ST3GAL3: variants seen among roughly 807,000 people sequenced by gnomAD.
ST3GAL3 encodes the protein ST3 beta-galactoside alpha-2,3-sialyltransferase 3, also known as CMP-N-acetylneuraminate-beta-1,4-galactoside alpha-2,3-sialyltransferase.
In ST3GAL3, 21 loss-of-function variants were observed where a neutral mutation model predicts 50.1. That is an observed-to-expected ratio of 0.42 (90% confidence interval 0.30 to 0.60). The LOEUF (loss-of-function observed/expected upper bound fraction) is 0.60, where lower values mean the gene tolerates loss of function less well. ST3GAL3 is among the 20% of genes least tolerant of loss of function. The pLI is 0.19. For synonymous variants in ST3GAL3, 183 were observed against 190.0 expected, an observed-to-expected ratio of 0.96 and a Z score of 0.30; for missense variants, 353 against 489.4, an observed-to-expected ratio of 0.72 and a Z score of 2.63.
intron 2 of ST3GAL3, among the ~76,000 whole-genome samples, chr1:43,762,870 G>A (rs974889410): frequency 6.6e-6 from 1 of 152,128 alleles, no homozygotes; most frequent in African/African-American, 2.4e-5. Flanking sequence ...GATAACCAAG[G>A]AGGGGTAAGC....
chr1:43,771,983 A>C lies in ST3GAL3; in HGVS notation c.119-20119A>C, dbSNP rs923853084. 1.8e-5 allele frequency: 7 copies of C among 397,620 alleles called. No individual in the cohort carries two copies. In the Admixed American group the frequency reaches 2.6e-4, roughly 15 times the overall value. The allele number at this position is 397,620 out of a possible 1,614,324, so 24.6% of individuals were successfully genotyped here. A position where few individuals can be genotyped will look rare whatever the true frequency, so the allele number is the denominator to read the frequency against. On this transcript the variant is annotated intron_variant, in intron 2 of 11. Transcript: ENST00000347631. ...GTTAAAAGGAAAAATAAGGGGGAAT[A>C]TGAGAAGTCAACTGACTTGAAACTG...
rs758984209 is a variant in ST3GAL3 at position 43,744,655 on chromosome 1, A to AAATAAATAAATAAATAAATAAATAAAT, written c.118+8277_118+8278insTAAATAAATAAATAAATAAATAAATAA. On this transcript the variant is annotated intron_variant, in intron 2 of 11. Coordinates refer to ENST00000347631, the MANE Select transcript of ST3GAL3 (RefSeq NM_006279.5). ...GGGACAGAGCGAGACTCCCTCTCAA[A>AAATAAATAAATAAATAAATAAATAAAT]AAATAAATAAATAAATAAATAAATA... Among the ~76,000 whole-genome samples the AAATAAATAAATAAATAAATAAATAAAT allele has an allele frequency of 6.5e-4, 91 of 140,962 alleles. 2 individuals are homozygous for AAATAAATAAATAAATAAATAAATAAAT. Among genetic ancestry groups the AAATAAATAAATAAATAAATAAATAAAT allele is most frequent in the Non-Finnish European group, 1.1e-3 (70 of 65,648 alleles). 92.5% of individuals were successfully genotyped at this position (140,962 alleles called of 152,430 possible). A position where few individuals can be genotyped will look rare whatever the true frequency, so the allele number is the denominator to read the frequency against.
chr1:43,794,509 A>G (rs1352429869), intron 3 of ST3GAL3, among the ~76,000 whole-genome samples: 6 of 152,254 alleles, frequency 3.9e-5, no homozygotes, highest in Non-Finnish European at 5.9e-5. Flanking sequence ...GGCAGTATCT[A>G]GCTAAATTTG....
intron 9 of ST3GAL3, among the ~76,000 whole-genome samples, chr1:43,908,691 A>C (rs1034081784): frequency 6.6e-6 from 1 of 151,154 alleles, no homozygotes; most frequent in Non-Finnish European, 1.5e-5. Flanking sequence ...CAGTGGCACA[A>C]TCTCAGCTCG....
intron 5 of ST3GAL3, chr1:43,838,691 G>T: frequency 3.4e-6 from 1 of 294,672 alleles, no homozygotes; most frequent in Non-Finnish European, 6.7e-6. Context: ...GCTTCAGGGA[G>T]GCATATCCAA....
At position 43,897,113 on chromosome 1, in the gene ST3GAL3, C is replaced by T. The variant is rs2077504612; in HGVS notation, c.398-1122C>T. Among the ~76,000 whole-genome samples, 6 of 142,328 alleles carry T rather than the reference C, an allele frequency of 4.2e-5. No individual in the cohort carries two copies. The South Asian group carries it at 1.3e-3, about 31-fold the overall frequency. The allele number at this position is 142,328 out of a possible 152,430, so 93.4% of individuals were successfully genotyped here. ...GTTTTTTTTTTTTTTGGTGGACATT[C>T]AGCTTGCCTCCACCATTTTGCTATT... On this transcript the variant is annotated intron_variant, in intron 6 of 11. Coordinates refer to ENST00000347631, the MANE Select transcript of ST3GAL3 (RefSeq NM_006279.5).
At chr1:43,859,684 G>T (rs1022967461) in intron 5 of ST3GAL3, among the ~76,000 whole-genome samples, 1 of 152,224 alleles carries the variant, frequency 6.6e-6, no homozygotes, top group African/African-American at 2.4e-5. Flanking sequence ...CTTGCTCTAA[G>T]AAGCAAATGC....
intron 11 of ST3GAL3, among the ~76,000 whole-genome samples, chr1:43,923,422 A>G (rs544133705): frequency 1.4e-4 from 21 of 152,300 alleles, no homozygotes; most frequent in African/African-American, 5.1e-4. Context: ...TCAGACTGCT[A>G]TAACAGAATG....
intron 2 of ST3GAL3, among the ~76,000 whole-genome samples, chr1:43,790,633 CTTTT>C (rs11343844): frequency 1.2e-4 from 15 of 125,644 alleles, no homozygotes; most frequent in East Asian, 2.3e-4. Context: ...ATGGCGTCTC[CTTTT>C]TTTTTTTTTT....
At chr1:43,761,093 C>T (rs969716833) in intron 2 of ST3GAL3, among the ~76,000 whole-genome samples, 10 of 152,144 alleles carry the variant, frequency 6.6e-5, no homozygotes, top group Non-Finnish European at 1.3e-4. Flanking sequence ...GGTGATTCTT[C>T]CTTAACCATT....
intron 1 of ST3GAL3, among the ~76,000 whole-genome samples, chr1:43,712,134 C>T (rs1167834050): frequency 6.6e-6 from 1 of 152,202 alleles, no homozygotes; most frequent in Admixed American, 6.5e-5. Context: ...CAGTGAAATG[C>T]ATGGGGCAGT....
chr1:43,859,704 G>T (rs751577811), intron 5 of ST3GAL3, among the ~76,000 whole-genome samples: 1 of 152,232 alleles, frequency 6.6e-6, no homozygotes, highest in African/African-American at 2.4e-5. Context: ...CCCAAATGGA[G>T]CAAGTCCTCC....
chr1:43,805,641 C>T (rs1025326366), intron 3 of ST3GAL3, among the ~76,000 whole-genome samples: 2 of 152,158 alleles, frequency 1.3e-5, no homozygotes, highest in South Asian at 2.1e-4. Flanking sequence ...AGGCGTCTGT[C>T]GGTAAATGTA....
rs753521929 is a variant in ST3GAL3 at position 43,838,199 on chromosome 1, C to G, written c.210-20C>G. 83 of 1,547,558 alleles carry G rather than the reference C, an allele frequency of 5.4e-5. No individual in the cohort carries two copies. The highest frequency in any genetic ancestry group is 6.7e-5 in the Non-Finnish European group (76 of 1,132,210). ...GTGCTCAGTGCCTGGCAAGCTGTAACTTTCCTTCTCTTCCCATAGGCCTGC... is the reference window on the plus strand; with the variant it reads ...GTGCTCAGTGCCTGGCAAGCTGTAAGTTTCCTTCTCTTCCCATAGGCCTGC... On this transcript the variant is annotated intron_variant, in intron 4 of 11. Transcript: ENST00000347631.
chr1:43,897,144 CA>C (rs2077508576), intron 6 of ST3GAL3, among the ~76,000 whole-genome samples: 2 of 148,336 alleles, frequency 1.3e-5, no homozygotes, highest in South Asian at 4.3e-4. Context: ...CTATTACAAA[CA>C]GTTCATCAGC....
At position 43,849,868 on chromosome 1, in the gene ST3GAL3, A is replaced by T. The variant is rs558891914; in HGVS notation, c.302+11557A>T. Among the ~76,000 whole-genome samples, 255 of 152,332 alleles carry T rather than the reference A, an allele frequency of 1.7e-3. 2 individuals are homozygous for T. Among genetic ancestry groups the T allele is most frequent in the Non-Finnish European group, 2.5e-3 (173 of 68,030 alleles). Reference sequence around the variant, plus strand: ...CTTTGGCATGCTGCTGGGTAACAAGATAGTAAGAGTGGCAGTGTGTACAAG... The same window carrying T: ...CTTTGGCATGCTGCTGGGTAACAAGTTAGTAAGAGTGGCAGTGTGTACAAG... On this transcript the variant is annotated intron_variant, in intron 5 of 11. Transcript: ENST00000347631.
At chr1:43,927,250 G>A (rs1324052418) in intron 11 of ST3GAL3, among the ~76,000 whole-genome samples, 1 of 152,056 alleles carries the variant, frequency 6.6e-6, no homozygotes, top group Non-Finnish European at 1.5e-5. Flanking sequence ...GCTTGAACCC[G>A]GGAGGCAGAG....
intron 5 of ST3GAL3, among the ~76,000 whole-genome samples, chr1:43,847,107 C>T (rs934583844): frequency 6.6e-6 from 1 of 152,204 alleles, no homozygotes; most frequent in Non-Finnish European, 1.5e-5. Context: ...TACCACCTCA[C>T]ATCCATTAGG....
At chr1:43,731,458 C>T (rs1675785557) in intron 1 of ST3GAL3, among the ~76,000 whole-genome samples, 1 of 148,542 alleles carries the variant, frequency 6.7e-6, no homozygotes, top group Non-Finnish European at 1.5e-5. Context: ...GATCTAGGCT[C>T]ACTGCAAGCT....
Sources: gnomAD v4.1 joint callset for allele counts (sites outside exome capture counted in the v4.1 genomes callset) on GRCh38, gnomAD v4.1.1 for gene constraint, MANE v1.5 for transcripts, NCBI Gene and HGNC (gene_info 2026-07-23, HGNC 2026-07-21) for gene names.